The following KLK13 variants were observed in gnomAD, a reference collection of about 807,000 sequenced individuals.
KLK13 encodes kallikrein-13.
Under a neutral mutation model 22.4 loss-of-function variants are expected in KLK13, and 19 were observed. The ratio of observed to expected loss-of-function variants is 0.85; its 90% CI spans 0.59 to 1.24. The LOEUF (loss-of-function observed/expected upper bound fraction) is 1.24. Ranked by LOEUF, KLK13 falls within the 50% of genes most tolerant of loss-of-function variation. KLK13 has a pLI of 0.00. For synonymous variants in KLK13, 156 were observed against 141.8 expected (o/e 1.10, Z -0.71); for missense variants, 311 against 347.9 (o/e 0.89, Z 0.84).
rs750119014 is a variant in KLK13 at position 51,059,920 on chromosome 19, C to A, written c.413G>T (p.Gly138Val). ...GGAAAGGGGCAGGGTTTGGATGTAG[C>A]CTGTGAGCTGGACCGGGGACTGCAG... Reference protein sequence around the residue: ...LELQSPVQLTGYIQTLPLSHN... With the variant: ...LELQSPVQLTVYIQTLPLSHN... Residue 138 changes from glycine (G) to valine (V), a missense_variant, in exon 3 of 5, where the codon GGC (glycine) becomes GTC (valine). Transcript: ENST00000595793. 1.9e-6 allele frequency: 3 copies of A among 1,609,526 alleles called. No homozygotes were observed. The highest frequency in any genetic ancestry group is 1.7e-4 in the Middle Eastern group (1 of 6,036).
At chr19:51,060,254 T>C (rs2091714996) in intron 2 of KLK13, among the ~76,000 whole-genome samples, 161 bp from the exon 3 acceptor site, 1 of 151,282 alleles carries the variant, frequency 6.6e-6, no homozygotes, top group Non-Finnish European at 1.5e-5. Flanking sequence ...CCCATCCAAA[T>C]CCCCTACTTT....
intron 3 of KLK13, among the ~76,000 whole-genome samples, chr19:51,059,266 A>G (rs1158646666): frequency 6.6e-6 from 1 of 150,666 alleles, no homozygotes; most frequent in Non-Finnish European, 1.5e-5. Context: ...ATTATTAGAC[A>G]TTTCATTAAT....
intron 1 of KLK13, among the ~76,000 whole-genome samples, chr19:51,063,255 T>C (rs2091746563): frequency 6.6e-6 from 1 of 152,178 alleles, no homozygotes; most frequent in African/African-American, 2.4e-5. Context: ...CCAATAAACA[T>C]ATTATTTTCT....
intron 1 of KLK13, 26 bp downstream of exon 1, chr19:51,064,990 G>T (rs774385062): frequency 6.6e-7 from 1 of 1,524,520 alleles, no homozygotes; most frequent in Non-Finnish European, 8.8e-7. Flanking sequence ...AATGGCCGCC[G>T]CGCCTCCACC....
intron 1 of KLK13, among the ~76,000 whole-genome samples, chr19:51,064,260 C>G (rs1439513764): frequency 6.6e-6 from 1 of 151,872 alleles, no homozygotes; most frequent in Non-Finnish European, 1.5e-5. Context: ...GGGAGGCTGA[C>G]GCGGGCTACT....
intron 1 of KLK13, among the ~76,000 whole-genome samples, chr19:51,061,469 C>T (rs1042964690): frequency 5.3e-5 from 8 of 152,238 alleles, no homozygotes; most frequent in African/African-American, 1.9e-4. Flanking sequence ...CTTGATTCTT[C>T]TCAATCAAAA....
chr19:51,060,178 A>C (rs1006558799), intron 2 of KLK13, 85 bp from the exon 3 acceptor site: 3 of 1,515,022 alleles, frequency 2.0e-6, no homozygotes, highest in African/African-American at 2.8e-5. Context: ...CCCATCCCCA[A>C]CCTAACTTCT....
chr19:51,063,977 C>T, intron 1 of KLK13: 1 of 375,066 alleles, frequency 2.7e-6, no homozygotes, highest in Non-Finnish European at 5.3e-6. Flanking sequence ...GCTTGTACAG[C>T]ACCCAGCACA....
At position 51,065,090 on chromosome 19, in the gene KLK13, G is replaced by A; in HGVS notation, c.-23C>T. ...CATGGCTCCGGGATCGGGAGGGGAG[G>A]GCAGGGCGGGCGGGGCCTGAGGAGA... On this transcript the variant is annotated 5_prime_UTR_variant, in exon 1 of 5. Coordinates refer to ENST00000595793, the MANE Select transcript of KLK13 (RefSeq NM_015596.3). The A allele has an allele frequency of 6.8e-7, 1 of 1,480,382 alleles. No individual in the cohort carries two copies. The highest frequency in any genetic ancestry group is 9.2e-7 in the Non-Finnish European group (1 of 1,092,872). The allele number at this position is 1,480,382 out of a possible 1,614,324, so 91.7% of individuals were successfully genotyped here.
intron 3 of KLK13, among the ~76,000 whole-genome samples, chr19:51,058,984 G>C (rs2122687462): frequency 6.6e-6 from 1 of 152,008 alleles, no homozygotes; most frequent in East Asian, 1.9e-4. Flanking sequence ...GTTGGAGAGA[G>C]GGAGTTGGAA....
Position 51,064,917 on chromosome 19 carries a change from G to T in KLK13, c.52+99C>A, listed in dbSNP as rs923968133. 37 of 974,664 alleles carry T rather than the reference G, an allele frequency of 3.8e-5. No individual in the cohort carries two copies. The Admixed American group carries it at 9.2e-4, about 24-fold the overall frequency. The allele number at this position is 974,664 out of a possible 1,614,324, so 60.4% of individuals were successfully genotyped here. ...TGGACCCGGCCCCGAGTGGGCGGGG[G>T]GCGGAGCTCGCGGCTCCCACGCCCC... On this transcript the variant is annotated intron_variant, in intron 1 of 4. Coordinates refer to ENST00000595793, the MANE Select transcript of KLK13 (RefSeq NM_015596.3).
intron 1 of KLK13, among the ~76,000 whole-genome samples, chr19:51,062,985 A>G (rs2091744450): frequency 6.8e-6 from 1 of 146,546 alleles, no homozygotes; most frequent in African/African-American, 2.6e-5. Flanking sequence ...GATGAGATTT[A>G]AGTAACGTTA....
chr19:51,063,743 C>T (rs2091751151), intron 1 of KLK13: 1 of 457,004 alleles, frequency 2.2e-6, no homozygotes, highest in Non-Finnish European at 4.4e-6. Flanking sequence ...GTGCCAGGCA[C>T]CCACAGATCC....
At chr19:51,062,683 A>G (rs2091741121) in intron 1 of KLK13, among the ~76,000 whole-genome samples, 1 of 151,970 alleles carries the variant, frequency 6.6e-6, no homozygotes, top group South Asian at 2.1e-4. Flanking sequence ...TATGCAAATC[A>G]CCAGCCTCAG....
chr19:51,059,525 AT>A (rs1165281651), intron 3 of KLK13: 8 of 162,186 alleles, frequency 4.9e-5, no homozygotes, highest in Non-Finnish European at 1.0e-4. Flanking sequence ...TTTAATTTGT[AT>A]ACTTTTTGTA....
chr19:51,064,393 C>G (rs2691259), intron 1 of KLK13, among the ~76,000 whole-genome samples: 4,311 of 145,618 alleles, frequency 0.03, 208 homozygotes, highest in African/African-American at 0.1. Context: ...GAGGCTGAGG[C>G]AGGAGAATCG....
At chr19:51,057,955 C>T (rs1212328159) in intron 4 of KLK13, among the ~76,000 whole-genome samples, 1 of 152,186 alleles carries the variant, frequency 6.6e-6, no homozygotes, top group Admixed American at 6.5e-5. Context: ...GCTCAAGACA[C>T]ATGACTTAGG....
intron 1 of KLK13, among the ~76,000 whole-genome samples, chr19:51,061,106 TATCCATCCATCC>T (rs1269618801): frequency 1.2e-4 from 18 of 151,650 alleles, no homozygotes; most frequent in Admixed American, 4.6e-4. Context: ...TCTAACCATC[TATCCATCCATCC>T]ATCCATCCAT....
chr19:51,059,131 GGAGA>G (rs2091702077), intron 3 of KLK13, among the ~76,000 whole-genome samples: 1 of 152,108 alleles, frequency 6.6e-6, no homozygotes, highest in Non-Finnish European at 1.5e-5. Context: ...CATGAGGCTG[GGAGA>G]GAGTCAGGGA....
Sources: allele counts gnomAD v4.1 joint callset (sites outside exome capture counted in the v4.1 genomes callset), GRCh38; gene constraint gnomAD v4.1.1; transcripts MANE v1.5; gene names NCBI Gene and HGNC (gene_info 2026-07-23, HGNC 2026-07-21).